The following NEURL1 variants were observed in gnomAD, a reference collection of about 807,000 sequenced individuals.
NEURL1 encodes E3 ubiquitin-protein ligase NEURL1.
Under a neutral mutation model 41.2 loss-of-function variants are expected in NEURL1, and 26 were observed. That is an observed-to-expected ratio of 0.63 (90% CI 0.46 to 0.87). The LOEUF is 0.87. Among genes scored for constraint, NEURL1 ranks in the 40% least tolerant of loss-of-function variants. The pLI is 0.00. For synonymous variants in NEURL1, 400 were observed against 402.3 expected (o/e 0.99, Z 0.07); for missense variants, 761 against 871.1 (o/e 0.87, Z 1.59).
At position 103,533,431 on chromosome 10, in the gene NEURL1, G is replaced by A. The variant is rs192982285; in HGVS notation, c.86-37441G>A. 1.3e-4 allele frequency among the ~76,000 whole-genome samples: 19 copies of A among 150,832 alleles called. 1 individual carries two copies. The South Asian group carries it at 1.9e-3, about 15-fold the overall frequency. On this transcript the variant is annotated intron_variant, in intron 1 of 5. Coordinates refer to ENST00000369780, the MANE Select transcript of NEURL1 (RefSeq NM_004210.5). ...GTTGCCCAGGCTGGAGTGGAATGGCGTGATCTCAGCTCACTGCAACCTCTG... is the reference window on the plus strand; with the variant it reads ...GTTGCCCAGGCTGGAGTGGAATGGCATGATCTCAGCTCACTGCAACCTCTG...
At chr10:103,523,629 A>T (rs2034401826) in intron 1 of NEURL1, among the ~76,000 whole-genome samples, 3 of 151,984 alleles carry the variant, frequency 2.0e-5, no homozygotes, top group African/African-American at 7.3e-5. Context: ...GCCTCTGGTT[A>T]CTATTCTGTT....
chr10:103,518,743 C>T (rs928327871), intron 1 of NEURL1, among the ~76,000 whole-genome samples: 3 of 152,146 alleles, frequency 2.0e-5, no homozygotes, highest in Non-Finnish European at 4.4e-5. Context: ...TCTACCTGTG[C>T]ATCTAGTTAT....
At chr10:103,522,629 G>C (rs76031800) in intron 1 of NEURL1, among the ~76,000 whole-genome samples, 1,904 of 149,412 alleles carry the variant, frequency 0.013, 34 homozygotes, top group African/African-American at 0.043. Flanking sequence ...AAAAGAAGTC[G>C]TCTTTGTCTC....
chr10:103,509,113 T>C (rs1319198144), intron 1 of NEURL1, among the ~76,000 whole-genome samples: 1 of 151,592 alleles, frequency 6.6e-6, no homozygotes, highest in African/African-American at 2.4e-5. Flanking sequence ...CACCTGTTAG[T>C]CCCAGCTACT....
chr10:103,555,357 G>A (rs1200290038), intron 1 of NEURL1: 1 of 1,351,760 alleles, frequency 7.4e-7, no homozygotes. Flanking sequence ...CAGCAGAGGT[G>A]GCTGCACTGC....
chr10:103,588,535 C>G (rs577871920), intron 4 of NEURL1, among the ~76,000 whole-genome samples: 22 of 152,200 alleles, frequency 1.4e-4, no homozygotes, highest in Admixed American at 1.2e-3. Flanking sequence ...TCTTTGAAGT[C>G]AGGGGCTGTC....
In NEURL1 at chr10:103,498,554, A is replaced by G. The variant is rs573321211; in HGVS notation, c.85+4082A>G. On this transcript the variant is annotated intron_variant, in intron 1 of 5. Coordinates refer to ENST00000369780, the MANE Select transcript of NEURL1 (RefSeq NM_004210.5). The stretch of plus-strand genomic sequence containing the variant: ...TGTTTTTTATTGTAAAATTTATATA[A>G]CCTGAAATTTACCATTTTAAAATGT... Among the ~76,000 whole-genome samples the G allele has an allele frequency of 2.4e-4, 36 of 152,246 alleles. No homozygotes were observed. In the South Asian group the frequency reaches 4.4e-3, roughly 18 times the overall value.
At chr10:103,532,408 G>T (rs956141113) in intron 1 of NEURL1, among the ~76,000 whole-genome samples, 3 of 151,774 alleles carry the variant, frequency 2.0e-5, no homozygotes, top group African/African-American at 7.3e-5. Flanking sequence ...TGTCTTTTTT[G>T]CTTCCAGATG....
intron 1 of NEURL1, among the ~76,000 whole-genome samples, chr10:103,519,870 A>AC (rs34592739): frequency 6.9e-6 from 1 of 145,462 alleles, no homozygotes; most frequent in Non-Finnish European, 1.5e-5. Context: ...TGCAGCCTTG[A>AC]CCCCCCGGGG....
chr10:103,584,488 C>G, intron 3 of NEURL1, 48 bp from the exon 4 acceptor site: 1 of 1,234,050 alleles, frequency 8.1e-7, no homozygotes, highest in Middle Eastern at 3.1e-4. Context: ...CGCGCCGGGG[C>G]CGCCTCCCGA....
intron 4 of NEURL1, chr10:103,588,720 C>G (rs1169027890): frequency 2.3e-6 from 1 of 428,948 alleles, no homozygotes; most frequent in East Asian, 7.4e-5. Flanking sequence ...CCGAGGCTGG[C>G]AGATCACGAG....
chr10:103,520,325 C>T (rs757205688), intron 1 of NEURL1, among the ~76,000 whole-genome samples: 14 of 151,868 alleles, frequency 9.2e-5, no homozygotes, highest in African/African-American at 1.9e-4. Flanking sequence ...AAGGGAGATA[C>T]GGGTGGGGCC....
intron 1 of NEURL1, among the ~76,000 whole-genome samples, chr10:103,496,604 T>C (rs1229079936): frequency 6.6e-6 from 1 of 152,244 alleles, no homozygotes; most frequent in African/African-American, 2.4e-5. Flanking sequence ...AAATAAGCTA[T>C]CAGTGTTAGC....
At chr10:103,546,887 A>C (rs953767322) in intron 1 of NEURL1, among the ~76,000 whole-genome samples, 2 of 152,348 alleles carry the variant, frequency 1.3e-5, no homozygotes, top group Admixed American at 1.3e-4. Context: ...CAGATAGAAC[A>C]GCTCTGGGCA....
intron 1 of NEURL1, chr10:103,555,280 G>T (rs550751950): frequency 1.7e-6 from 2 of 1,150,434 alleles, no homozygotes; most frequent in Admixed American, 3.1e-5. Flanking sequence ...TCCGCCCGCG[G>T]GGGAGGAGAC....
intron 1 of NEURL1, among the ~76,000 whole-genome samples, chr10:103,497,987 G>A (rs2033726463): frequency 6.6e-6 from 1 of 152,188 alleles, no homozygotes; most frequent in African/African-American, 2.4e-5. Context: ...GTCCTAGGGT[G>A]TGGAAGAAGG....
chr10:103,517,473 G>C (rs2034243417), intron 1 of NEURL1: 2 of 152,306 alleles, frequency 1.3e-5, no homozygotes, highest in South Asian at 4.1e-4. Context: ...GGCTTTGTGA[G>C]CTAGGAGCTA....
Position 103,556,403 on chromosome 10 carries a change from A to T in NEURL1, c.86-14469A>T, listed in dbSNP as rs1170743496. Among the ~76,000 whole-genome samples, 1 of 151,894 alleles carries T rather than the reference A, an allele frequency of 6.6e-6. No homozygotes were observed. The highest frequency in any genetic ancestry group is 1.5e-5 in the Non-Finnish European group (1 of 67,978). On this transcript the variant is annotated intron_variant, in intron 1 of 5. Transcript: ENST00000369780. The surrounding 1 kb of genome is among the most constrained non-coding windows in gnomAD (Gnocchi z 4.4). ...GAGTCCCTGACGCACTCCCCTATGT[A>T]CCCTGCTCCCTGCTTGGATGGGGTA...
At chr10:103,530,269 C>T (rs2034542632) in intron 1 of NEURL1, among the ~76,000 whole-genome samples, 1 of 151,622 alleles carries the variant, frequency 6.6e-6, no homozygotes, top group Non-Finnish European at 1.5e-5. Flanking sequence ...TTTCTAGTGC[C>T]TTGAGATACT....
Sources: gnomAD v4.1 joint callset for allele counts (sites outside exome capture counted in the v4.1 genomes callset) on GRCh38, gnomAD v4.1.1 for gene constraint, Gnocchi (gnomAD v3.1) non-coding constraint, MANE v1.5 for transcripts, NCBI Gene and HGNC (gene_info 2026-07-23, HGNC 2026-07-21) for gene names.